Variants in DRC1 observed in about 807,000 individuals in gnomAD.
The protein encoded by DRC1 is dynein regulatory complex subunit 1.
Under a neutral mutation model 98.7 loss-of-function variants are expected in DRC1, and 74 were observed. The observed-to-expected ratio is 0.75, with a 90% CI of 0.62 to 0.91. DRC1 has a LOEUF of 0.91. DRC1 is among the 40% of genes least tolerant of loss of function. The pLI, the probability that DRC1 is intolerant of heterozygous loss-of-function variation, is 0.00. For missense variants in DRC1, 875 were observed against 886.0 expected (o/e 0.99, Z 0.16); for synonymous variants, 336 against 334.1 (o/e 1.01, Z -0.06).
intron 1 of DRC1, among the ~76,000 whole-genome samples, chr2:26,414,060 T>C (rs571348159): frequency 6.6e-6 from 1 of 151,386 alleles, no homozygotes; most frequent in Non-Finnish European, 1.5e-5. Flanking sequence ...ACCTGGCCAA[T>C]ATTTAAATTT....
rs150248623 is a variant in DRC1, at chr2:26,450,389, T to C, written c.1600-203T>C. On this transcript the variant is annotated intron_variant, in intron 12 of 16. Coordinates refer to ENST00000288710, the MANE Select transcript of DRC1 (RefSeq NM_145038.5). ...GGCATCCTCACAGCCATGGGATCCATATGGAGCAGCTCCTGGCTCTATGAG... is the reference window on the plus strand; with the variant it reads ...GGCATCCTCACAGCCATGGGATCCACATGGAGCAGCTCCTGGCTCTATGAG... Among the ~76,000 whole-genome samples the C allele has an allele frequency of 2.9e-3, 447 of 152,320 alleles. 1 individual carries two copies. Among genetic ancestry groups the C allele is most frequent in the African/African-American group, 0.01 (433 of 41,576 alleles).
chr2:26,435,787 ATGT>A (rs1215525959), intron 7 of DRC1, among the ~76,000 whole-genome samples: 3 of 150,450 alleles, frequency 2.0e-5, no homozygotes, highest in African/African-American at 4.9e-5. Context: ...AAACCGTATG[ATGT>A]TGTTCTTTTT....
At chr2:26,438,194 A>G (rs1434873706) in intron 7 of DRC1, among the ~76,000 whole-genome samples, 1 of 152,078 alleles carries the variant, frequency 6.6e-6, no homozygotes, top group Non-Finnish European at 1.5e-5. Context: ...AAAGTAGGAT[A>G]TAAAATTGTA....
rs758470858 is a variant in DRC1 at position 26,454,857 on chromosome 2, C to T, written c.2063+67C>T. On this transcript the variant is annotated intron_variant, in intron 15 of 16. Transcript: ENST00000288710. This position sits in a 1 kb window ranked among gnomAD's most constrained non-coding sequence, Gnocchi z 5.2. ...GGTGAGGAACGGTTGTTGGGAGCAGCCGCGTTTGCTGCCTCCCTGTCCCAC... is the reference window on the plus strand; with the variant it reads ...GGTGAGGAACGGTTGTTGGGAGCAGTCGCGTTTGCTGCCTCCCTGTCCCAC... 8.7e-6 allele frequency: 14 copies of T among 1,602,036 alleles called. No individual in the cohort carries two copies. Among genetic ancestry groups the T allele is most frequent in the Middle Eastern group, 1.7e-4 (1 of 5,896 alleles).
At chr2:26,421,166 G>A (rs556219697) in intron 2 of DRC1, 122 bp from the exon 3 acceptor site, 2 of 719,962 alleles carry the variant, frequency 2.8e-6, no homozygotes, top group Admixed American at 2.8e-5. Context: ...AAATCTTAAG[G>A]TAGTTGCTGC....
rs1282774289 is a variant in DRC1 at position 26,401,951 on chromosome 2, G to A, written c.-39G>A. ...AGCAACCAGCCTGAGGTCTGGAGGT[G>A]GTGCGGAGGGAGCCGCCTAGGGACC... On this transcript the variant is annotated 5_prime_UTR_variant, in exon 1 of 17. Transcript: ENST00000288710. The A allele has an allele frequency of 1.3e-6, 2 of 1,562,126 alleles. No homozygotes were observed. The highest frequency in any genetic ancestry group is 1.7e-4 in the Middle Eastern group (1 of 5,824).
intron 6 of DRC1, 76 bp downstream of exon 6, chr2:26,430,948 C>T (rs957343159): frequency 3.1e-5 from 23 of 731,684 alleles, no homozygotes; most frequent in Admixed American, 7.7e-5. Context: ...GCTAGCTAGC[C>T]TTTTTCTATC....
rs549686978 is a variant in DRC1 at position 26,408,838 on chromosome 2, G to A, written c.156-5506G>A. On this transcript the variant is annotated intron_variant, in intron 1 of 16. Transcript: ENST00000288710. ...ATCGGGTTTGCTCACAAAGCAGCCC[G>A]ATTAAATCAGCCCACGCTGACATGC... 1.7e-3 allele frequency among the ~76,000 whole-genome samples: 265 copies of A among 152,202 alleles called. 1 individual carries two copies. The highest frequency in any genetic ancestry group is 3.1e-3 in the Non-Finnish European group (211 of 68,008).
In DRC1 at chr2:26,418,536, T is replaced by C. The variant is rs1388476299; in HGVS notation, c.244-2752T>C. ...TATATTATATATTAATAATATACAA[T>C]ATATTATAAATTATATATAATTTAT... On this transcript the variant is annotated intron_variant, in intron 2 of 16. Coordinates refer to ENST00000288710, the MANE Select transcript of DRC1 (RefSeq NM_145038.5). Among the ~76,000 whole-genome samples the C allele has an allele frequency of 3.1e-3, 358 of 116,542 alleles. 2 individuals carry two copies. Among genetic ancestry groups the C allele is most frequent in the African/African-American group, 0.012 (347 of 29,214 alleles). 76.5% of individuals were successfully genotyped at this position (116,542 alleles called of 152,430 possible).
At chr2:26,424,557 AC>A (rs1663235639) in intron 4 of DRC1, 103 bp downstream of exon 4, 3 of 1,190,962 alleles carry the variant, frequency 2.5e-6, no homozygotes, top group Non-Finnish European at 3.5e-6. Context: ...GAAACCTTTT[AC>A]TTCATTATTT....
intron 4 of DRC1, 130 bp downstream of exon 4, chr2:26,424,584 T>A (rs751623831): frequency 2.1e-4 from 203 of 966,534 alleles, no homozygotes; most frequent in Non-Finnish European, 2.8e-4. Flanking sequence ...GCTGTACAAG[T>A]CATGTTATAA....
chr2:26,424,973 A>G (rs1663245441), intron 4 of DRC1, among the ~76,000 whole-genome samples: 1 of 152,068 alleles, frequency 6.6e-6, no homozygotes, highest in African/African-American at 2.4e-5. Context: ...AAACCAAAAA[A>G]CTGTATAGTT....
At chr2:26,452,085 T>C (rs1664020532) in intron 13 of DRC1, among the ~76,000 whole-genome samples, 1 of 90,172 alleles carries the variant, frequency 1.1e-5, no homozygotes, top group Non-Finnish European at 2.9e-5. Context: ...CAACCTGTTA[T>C]GTTGGCGCAA....
intron 1 of DRC1, among the ~76,000 whole-genome samples, chr2:26,413,926 G>GT (rs1048254578): frequency 6.6e-6 from 1 of 151,680 alleles, no homozygotes; most frequent in Non-Finnish European, 1.5e-5. Flanking sequence ...TAATATTTAA[G>GT]TTTTTTAAAT....
chr2:26,433,140 G>A (rs1663482236), intron 7 of DRC1, among the ~76,000 whole-genome samples: 1 of 152,214 alleles, frequency 6.6e-6, no homozygotes, highest in South Asian at 2.1e-4. Flanking sequence ...GTAGTAGGAG[G>A]TTATTTCTGG....
At chr2:26,451,106 A>C (rs1663995170) in intron 13 of DRC1, among the ~76,000 whole-genome samples, 1 of 152,188 alleles carries the variant, frequency 6.6e-6, no homozygotes, top group Admixed American at 6.5e-5. Flanking sequence ...CTTCTGGAGA[A>C]ATAGCGGGGC....
rs764148240 is a variant in DRC1 at position 26,448,671 on chromosome 2, T to G, written c.1397-20T>G. On this transcript the variant is annotated intron_variant, in intron 10 of 16. Coordinates refer to ENST00000288710, the MANE Select transcript of DRC1 (RefSeq NM_145038.5). ...TTATCTTCTTTTTCTTTCTCTCTCC[T>G]CCCCATGACCCAACTGCAGAAGAGG... 2.5e-5 allele frequency: 41 copies of G among 1,611,030 alleles called. No individual in the cohort carries two copies. Among genetic ancestry groups the G allele is most frequent in the Admixed American group, 3.3e-5 (2 of 59,890 alleles).
intron 7 of DRC1, among the ~76,000 whole-genome samples, chr2:26,439,013 T>A (rs774951512): frequency 7.9e-5 from 12 of 152,168 alleles, no homozygotes; most frequent in Non-Finnish European, 1.6e-4. Context: ...TTTCCTTCCC[T>A]GCCTAACATT....
chr2:26,405,628 T>A (rs1325857415), intron 1 of DRC1, among the ~76,000 whole-genome samples: 3 of 150,482 alleles, frequency 2.0e-5, no homozygotes, highest in African/African-American at 7.3e-5. Context: ...ATGGTGGTCT[T>A]GTTTTTTTTT....
Sources: allele counts gnomAD v4.1 joint callset (sites outside exome capture counted in the v4.1 genomes callset), GRCh38; gene constraint gnomAD v4.1.1; non-coding constraint Gnocchi (gnomAD v3.1); transcripts MANE v1.5; gene names NCBI Gene and HGNC (gene_info 2026-07-23, HGNC 2026-07-21).